Variants in ABCA9 observed in about 807,000 individuals in gnomAD.
The protein encoded by ABCA9 is ATP-binding cassette sub-family A member 9.
Under a neutral mutation model 205.3 loss-of-function variants are expected in ABCA9, and 183 were observed. The ratio of observed to expected loss-of-function variants is 0.89; its 90% CI spans 0.79 to 1.01. The LOEUF (loss-of-function observed/expected upper bound fraction) is 1.01. Among genes scored for constraint, ABCA9 ranks in the 50% least tolerant of loss-of-function variants. The pLI is 0.00. For missense variants in ABCA9, 1,805 were observed against 1,912.4 expected (o/e 0.94, Z 1.05); for synonymous variants, 651 against 683.3 (o/e 0.95, Z 0.74).
upstream of ABCA9, among the ~76,000 whole-genome samples, chr17:69,063,613 T>G (rs949428505): frequency 2.7e-5 from 4 of 145,772 alleles, no homozygotes; most frequent in Non-Finnish European, 3.0e-5. Flanking sequence ...GTGTTTGTTT[T>G]TTTTTGTGTG....
At chr17:69,012,729 T>TACAA (rs1418259316) in intron 22 of ABCA9, among the ~76,000 whole-genome samples, 8 of 152,210 alleles carry the variant, frequency 5.3e-5, no homozygotes, top group Admixed American at 1.3e-4. Flanking sequence ...TCCTTTGCGT[T>TACAA]ACAAACAATC....
At chr17:68,988,936 A>C (rs1598336864) in intron 31 of ABCA9, 91 bp downstream of exon 31, 2 of 760,082 alleles carry the variant, frequency 2.6e-6, no homozygotes, top group African/African-American at 1.7e-5. Flanking sequence ...AATCACACTA[A>C]GTGATTATGG....
chr17:69,046,488 C>A (rs2071706794), intron 3 of ABCA9, among the ~76,000 whole-genome samples: 1 of 152,098 alleles, frequency 6.6e-6, no homozygotes, highest in South Asian at 2.1e-4. Context: ...CAGCTGTTGA[C>A]CCTCAGTGCC....
intron 22 of ABCA9, among the ~76,000 whole-genome samples, chr17:69,013,778 T>C (rs2070474123): frequency 6.6e-6 from 1 of 152,012 alleles, no homozygotes; most frequent in African/African-American, 2.4e-5. Flanking sequence ...CGATAGATGA[T>C]AAAAATTATT....
chr17:69,036,870 G>GAAAAA (rs1567963217), intron 6 of ABCA9, among the ~76,000 whole-genome samples: 2 of 2,488 alleles, frequency 8.0e-4, no homozygotes, highest in East Asian at 0.026. Flanking sequence ...TAAATGGAAA[G>GAAAAA]CAAAAAAAAA....
intron 27 of ABCA9, 134 bp from the exon 28 acceptor site, chr17:68,992,400 A>G: frequency 5.3e-6 from 3 of 562,410 alleles, no homozygotes; most frequent in East Asian, 3.1e-5. Flanking sequence ...CTGAAAGACA[A>G]CCTGTAATAT....
chr17:69,049,351 G>A lies in ABCA9; in HGVS notation c.236C>T (p.Ala79Val). The change falls in exon 3 of 39, where the codon GCA (alanine) becomes GTA (valine). Residue 79 changes from alanine (A) to valine (V), a missense_variant. Transcript: ENST00000340001. The part of the protein sequence containing the change: ...DSFNDTNYVI[A>V]FAPESKTTQE... ...GGTAGTTTTGGATTCAGGTGCAAAT[G>A]CAATAACATAATTAGTATCATTAAA... 6.2e-7 allele frequency: 1 copy of A among 1,613,220 alleles called. No individual in the cohort carries two copies. The highest frequency in any genetic ancestry group is 8.5e-7 in the Non-Finnish European group (1 of 1,179,518).
intron 25 of ABCA9, among the ~76,000 whole-genome samples, chr17:69,003,953 T>A (rs531902068): frequency 1.3e-5 from 2 of 152,350 alleles, no homozygotes; most frequent in Non-Finnish European, 2.9e-5. Context: ...TCTCGAGCCT[T>A]GGTTTTCAGC....
chr17:68,999,921 T>G (rs2069784835), intron 25 of ABCA9, among the ~76,000 whole-genome samples: 1 of 152,218 alleles, frequency 6.6e-6, no homozygotes, highest in Admixed American at 6.5e-5. Context: ...TGCATAAATG[T>G]CTTCTTTTGA....
intron 13 of ABCA9, 56 bp from the exon 14 acceptor site, chr17:69,027,505 T>G: frequency 6.3e-7 from 1 of 1,574,986 alleles, no homozygotes. Context: ...TTAAAAACAC[T>G]ATCATTTTTC....
At chr17:68,983,642 C>T (rs888987330) in intron 36 of ABCA9, 67 bp downstream of exon 36, 10 of 1,577,760 alleles carry the variant, frequency 6.3e-6, no homozygotes, top group South Asian at 3.5e-5. Context: ...GCTCTTATTC[C>T]GTCATCATAG....
Position 69,007,201 on chromosome 17 carries a change from G to A in ABCA9, c.3435+558C>T, listed in dbSNP as rs7209358. Reference sequence around the variant, plus strand: ...GTGGGTCATGAGGTCAGGAGTTCATGACCAGCCTGGCCAATATGGTGAAAC... The same window carrying A: ...GTGGGTCATGAGGTCAGGAGTTCATAACCAGCCTGGCCAATATGGTGAAAC... On this transcript the variant is annotated intron_variant, in intron 25 of 38. Transcript: ENST00000340001. Among the ~76,000 whole-genome samples, 140 of 152,228 alleles carry A rather than the reference G, an allele frequency of 9.2e-4. 1 individual carries two copies. Among genetic ancestry groups the A allele is most frequent in the African/African-American group, 3.2e-3 (135 of 41,542 alleles).
At chr17:69,078,622 C>G in the ABCA9 span, 1 of 164,768 alleles carries the variant, frequency 6.1e-6, no homozygotes. Flanking sequence ...TCATGCAACT[C>G]TTGGCTACTG....
At chr17:69,026,914 T>TG (rs1377271522) in intron 15 of ABCA9, 62 bp downstream of exon 15, 9 of 1,575,136 alleles carry the variant, frequency 5.7e-6, no homozygotes, top group Non-Finnish European at 6.9e-6. Flanking sequence ...GGAGCATACC[T>TG]GTTCATATTC....
chr17:68,984,921 G>A lies in ABCA9; in HGVS notation c.4343C>T (p.Ser1448Leu), dbSNP rs142934607. ...NPSVVLLDEP[S>L]TGMDPEGQQQ... ...CTGCCCCTCGGGGTCCATCCCGGTCGACGGCTCATCCAGAAGCACCACTGA... is the reference window on the plus strand; with the variant it reads ...CTGCCCCTCGGGGTCCATCCCGGTCAACGGCTCATCCAGAAGCACCACTGA... Residue 1448 changes from serine to leucine, a missense_variant, in exon 34 of 39, where the codon TCG (serine) becomes TTG (leucine). Transcript: ENST00000340001. 153 of 1,614,028 alleles carry A rather than the reference G, an allele frequency of 9.5e-5. No homozygotes were observed. Among genetic ancestry groups the A allele is most frequent in the Non-Finnish European group, 1.2e-4 (143 of 1,180,038 alleles).
In ABCA9 at chr17:69,023,454, A is replaced by C. The variant is rs1195393327; in HGVS notation, c.2281+760T>G. ...TAGCATAGCTGGTGTTTGAATCTAG[A>C]CTGGCTCTAGCATTGAGTTTCAATC... On this transcript the variant is annotated intron_variant, in intron 17 of 38. Transcript: ENST00000340001. The surrounding 1 kb of genome is among the most constrained non-coding windows in gnomAD (Gnocchi z 4.2). 6.6e-6 allele frequency among the ~76,000 whole-genome samples: 1 copy of C among 152,174 alleles called. No homozygotes were observed. Among genetic ancestry groups the C allele is most frequent in the African/African-American group, 2.4e-5 (1 of 41,442 alleles).
At chr17:68,997,625 ATTAT>A (rs1261367270) in intron 25 of ABCA9, among the ~76,000 whole-genome samples, 1 of 63,982 alleles carries the variant, frequency 1.6e-5, no homozygotes, top group South Asian at 4.2e-4. Context: ...AAAGGATTTT[ATTAT>A]TTATTTATTC....
At chr17:68,978,698 A>G (rs1266361553) in intron 37 of ABCA9, among the ~76,000 whole-genome samples, 2 of 152,160 alleles carry the variant, frequency 1.3e-5, no homozygotes, top group African/African-American at 4.8e-5. Context: ...GCTTGTCTGT[A>G]AAGGACTTTA....
rs189689873 is a variant in ABCA9 at position 69,012,116 on chromosome 17, C to T, written c.3040-33G>A. ...CATGTGGAACATGGTGAGCTGATGG[C>T]GATTGGGCATCTGTTTCATCTGTAC... On this transcript the variant is annotated intron_variant, in intron 22 of 38. Coordinates refer to ENST00000340001, the MANE Select transcript of ABCA9 (RefSeq NM_080283.4). The T allele has an allele frequency of 3.8e-4, 553 of 1,445,762 alleles. 5 individuals carry two copies. In the African/African-American group the frequency reaches 6.9e-3, roughly 18 times the overall value. 89.6% of individuals were successfully genotyped at this position (1,445,762 alleles called of 1,614,324 possible).
Sources: gnomAD v4.1 joint callset for allele counts (sites outside exome capture counted in the v4.1 genomes callset) on GRCh38, gnomAD v4.1.1 for gene constraint, Gnocchi (gnomAD v3.1) non-coding constraint, MANE v1.5 for transcripts, NCBI Gene and HGNC (gene_info 2026-07-23, HGNC 2026-07-21) for gene names.